GALNTL6: variants seen among roughly 807,000 people sequenced by gnomAD.
The protein encoded by GALNTL6 is polypeptide N-acetylgalactosaminyltransferase like 6.
A neutral mutation model predicts 73.7 loss-of-function variants in GALNTL6; 46 were observed. That is an observed-to-expected ratio of 0.62 (90% CI 0.49 to 0.80). The LOEUF is 0.80. Among genes scored for constraint, GALNTL6 ranks in the 30% least tolerant of loss-of-function variants. The pLI is 0.00. For missense variants in GALNTL6, 604 were observed against 755.0 expected, an observed-to-expected ratio of 0.80 and a Z score of 2.34; for synonymous variants, 259 against 263.7, an observed-to-expected ratio of 0.98 and a Z score of 0.17.
intron 5 of GALNTL6, among the ~76,000 whole-genome samples, chr4:172,784,999 T>A (rs985972922): frequency 3.9e-5 from 6 of 152,084 alleles, no homozygotes; most frequent in African/African-American, 1.4e-4. Context: ...CCAGGACATC[T>A]CCACAAGGAC....
chr4:172,996,982 C>T (rs536842986), intron 10 of GALNTL6, among the ~76,000 whole-genome samples: 3 of 152,294 alleles, frequency 2.0e-5, no homozygotes, highest in Admixed American at 2.0e-4. Flanking sequence ...TCATGGGTAA[C>T]CAGGTCTTCT....
chr4:172,755,461 C>A (rs932430065), intron 5 of GALNTL6, among the ~76,000 whole-genome samples: 1 of 152,078 alleles, frequency 6.6e-6, no homozygotes, highest in Non-Finnish European at 1.5e-5. Context: ...GGAATGGAAT[C>A]CCTGCTGTTT....
intron 5 of GALNTL6, among the ~76,000 whole-genome samples, chr4:172,537,974 C>T (rs1735407734): frequency 6.6e-6 from 1 of 152,140 alleles, no homozygotes; most frequent in Admixed American, 6.6e-5. Flanking sequence ...GAATAGTCAC[C>T]TCCCCAAGAC....
intron 2 of GALNTL6, among the ~76,000 whole-genome samples, chr4:172,109,259 A>AT (rs11435570): frequency 0.87 from 132,391 of 151,830 alleles, 58,020 homozygotes; most frequent in South Asian, 0.93. Context: ...GACCATTATA[A>AT]TTTTTTTTCT....
chr4:172,448,459 A>G (rs1409309712), intron 5 of GALNTL6, among the ~76,000 whole-genome samples: 1 of 152,112 alleles, frequency 6.6e-6, no homozygotes, highest in Non-Finnish European at 1.5e-5. Context: ...GTCATCTTTT[A>G]TCAATTTACA....
chr4:172,641,869 C>G (rs1435801243), intron 5 of GALNTL6, among the ~76,000 whole-genome samples: 1 of 151,834 alleles, frequency 6.6e-6, no homozygotes, highest in African/African-American at 2.4e-5. Context: ...TTTATAGGTG[C>G]TCTTTAAATA....
At chr4:172,821,823 G>T (rs1266823602) in intron 7 of GALNTL6, among the ~76,000 whole-genome samples, 4 of 152,142 alleles carry the variant, frequency 2.6e-5, no homozygotes, top group African/African-American at 9.7e-5. Flanking sequence ...ACTCACTGAA[G>T]ATTTTTTAAA....
intron 5 of GALNTL6, among the ~76,000 whole-genome samples, chr4:172,783,764 C>T (rs1246285872): frequency 6.6e-6 from 1 of 151,914 alleles, no homozygotes; most frequent in Non-Finnish European, 1.5e-5. Context: ...GTGATAAGCC[C>T]TGTTCAGCAT....
intron 5 of GALNTL6, among the ~76,000 whole-genome samples, chr4:172,415,422 G>A (rs1730786475): frequency 6.6e-6 from 1 of 152,164 alleles, no homozygotes; most frequent in Non-Finnish European, 1.5e-5. Flanking sequence ...GGCACTCAAA[G>A]CTCCAGTCTG....
At chr4:172,280,190 G>T (rs2111077199) in intron 3 of GALNTL6, among the ~76,000 whole-genome samples, 1 of 152,238 alleles carries the variant, frequency 6.6e-6, no homozygotes, top group South Asian at 2.1e-4. Flanking sequence ...TCACTAATTA[G>T]CTATATCCTT....
intron 2 of GALNTL6, among the ~76,000 whole-genome samples, chr4:171,823,426 AT>A (rs1734734734): frequency 6.6e-6 from 1 of 152,030 alleles, no homozygotes; most frequent in Admixed American, 6.6e-5. Flanking sequence ...CAAAAGGCAA[AT>A]TTAGAGTCTG....
chr4:172,015,583 T>A (rs997666154), intron 2 of GALNTL6, among the ~76,000 whole-genome samples: 18 of 152,120 alleles, frequency 1.2e-4, no homozygotes, highest in Admixed American at 1.2e-3. Context: ...GTTCTGTTAA[T>A]CATGTTACTT....
intron 2 of GALNTL6, among the ~76,000 whole-genome samples, chr4:172,119,454 G>C (rs2110995048): frequency 6.6e-6 from 1 of 152,224 alleles, no homozygotes; most frequent in South Asian, 2.1e-4. Context: ...ACAGGAGAGA[G>C]GGTTATATTC....
chr4:172,066,237 G>T (rs1330473559), intron 2 of GALNTL6, among the ~76,000 whole-genome samples: 1 of 152,036 alleles, frequency 6.6e-6, no homozygotes, highest in Non-Finnish European at 1.5e-5. Context: ...AATCTTCAGT[G>T]GTGTGCCTAT....
chr4:171,841,733 T>G lies in GALNTL6; in HGVS notation c.138+27015T>G, dbSNP rs1314468717. ...TTAAATCAAAATGGTTAAAATAGTATGTAAAATGGTTAATTCCAGAAAAAA... is the reference window on the plus strand; with the variant it reads ...TTAAATCAAAATGGTTAAAATAGTAGGTAAAATGGTTAATTCCAGAAAAAA... On this transcript the variant is annotated intron_variant, in intron 2 of 12. Transcript: ENST00000506823. Among the ~76,000 whole-genome samples, 3 of 151,986 alleles carry G rather than the reference T, an allele frequency of 2.0e-5. No individual in the cohort carries two copies. In the East Asian group the frequency reaches 5.8e-4, roughly 29 times the overall value.
intron 5 of GALNTL6, among the ~76,000 whole-genome samples, chr4:172,689,632 C>G (rs1733143122): frequency 6.6e-6 from 1 of 152,114 alleles, no homozygotes; most frequent in African/African-American, 2.4e-5. Context: ...CTTCTAAGTT[C>G]TTAATGCTTT....
chr4:172,755,576 A>G (rs1266288876), intron 5 of GALNTL6, among the ~76,000 whole-genome samples: 1 of 152,214 alleles, frequency 6.6e-6, no homozygotes, highest in Non-Finnish European at 1.5e-5. Flanking sequence ...TGGAATTAAC[A>G]AATAACAAAA....
intron 5 of GALNTL6, among the ~76,000 whole-genome samples, chr4:172,453,370 C>T (rs1306515867): frequency 6.6e-6 from 1 of 152,178 alleles, no homozygotes; most frequent in Non-Finnish European, 1.5e-5. Flanking sequence ...AAAGGTCTGA[C>T]TTTTCATTTT....
At chr4:171,819,628 C>A (rs1297027924) in intron 2 of GALNTL6, among the ~76,000 whole-genome samples, 1 of 152,118 alleles carries the variant, frequency 6.6e-6, no homozygotes, top group Non-Finnish European at 1.5e-5. Context: ...AGAAAGTTTG[C>A]AGCCATGTCT....
Sources: gnomAD v4.1 joint callset for allele counts (sites outside exome capture counted in the v4.1 genomes callset) on GRCh38, gnomAD v4.1.1 for gene constraint, MANE v1.5 for transcripts, NCBI Gene and HGNC (gene_info 2026-07-23, HGNC 2026-07-21) for gene names.